TSPAN1: variants seen among roughly 807,000 people sequenced by gnomAD.
The protein encoded by TSPAN1 is tetraspanin-1.
TSPAN1 carries 23 observed loss-of-function variants against 26.9 expected under a neutral mutation model. The observed-to-expected ratio is 0.85, with a 90% CI of 0.62 to 1.21. TSPAN1 has a LOEUF of 1.21. Among genes scored for constraint, TSPAN1 ranks in the 50% most tolerant of loss-of-function variants. The pLI is 0.00. For synonymous variants in TSPAN1, 115 were observed against 114.8 expected (o/e 1.00, Z -0.01); for missense variants, 283 against 298.4 (o/e 0.95, Z 0.38).
downstream of TSPAN1, chr1:46,189,709 G>A: frequency 6.5e-7 from 1 of 1,546,854 alleles, no homozygotes; most frequent in East Asian, 2.3e-5. Flanking sequence ...ATATGAATTT[G>A]GACAAGGAGG....
chr1:46,193,193 G>A, the TSPAN1 span: 1 of 1,614,224 alleles, frequency 6.2e-7, no homozygotes, highest in Non-Finnish European at 8.5e-7. Context: ...GTTGAAAGTG[G>A]CAGTGAGGCT....
At chr1:46,190,044 T>C (rs1368606477), downstream of TSPAN1, 1 of 1,601,614 alleles carries the variant, frequency 6.2e-7, no homozygotes, top group Admixed American at 1.7e-5. Context: ...CATGGGTGTG[T>C]CCCACAGGAC....
At chr1:46,190,860 C>A (rs2148175603), downstream of TSPAN1, 1 of 1,341,384 alleles carries the variant, frequency 7.5e-7, no homozygotes, top group East Asian at 2.3e-5. Context: ...AGCCAGACAT[C>A]TATAAGACAC....
the TSPAN1 span, chr1:46,190,989 G>A: frequency 1.7e-6 from 1 of 576,506 alleles, no homozygotes. Flanking sequence ...CATTGCTGGA[G>A]AGCTCATGCT....
chr1:46,177,382 A>AT (rs1657204955), intron 1 of TSPAN1, among the ~76,000 whole-genome samples: 4 of 124,448 alleles, frequency 3.2e-5, no homozygotes, highest in East Asian at 5.6e-4. Context: ...TATCTATCTA[A>AT]CTATCTATCT....
At chr1:46,188,787 CTGAG>C (rs1412688845), downstream of TSPAN1, 2 of 1,612,894 alleles carry the variant, frequency 1.2e-6, no homozygotes, top group East Asian at 2.2e-5. Flanking sequence ...CTAAGGGTCT[CTGAG>C]TGAGTCTGTG....
At chr1:46,186,788 G>A (rs1025645099), downstream of TSPAN1, among the ~76,000 whole-genome samples, 6 of 147,572 alleles carry the variant, frequency 4.1e-5, no homozygotes, top group East Asian at 4.1e-4. Flanking sequence ...TCAGCCTCCC[G>A]AGTAGCTGGC....
the TSPAN1 span, chr1:46,192,060 C>G: frequency 1.8e-5 from 28 of 1,596,250 alleles, no homozygotes; most frequent in African/African-American, 3.6e-4. Flanking sequence ...TCTTGACTGT[C>G]ATGCCACACT....
chr1:46,189,208 G>A (rs142268597), downstream of TSPAN1: 80 of 1,566,474 alleles, frequency 5.1e-5, no homozygotes, highest in African/African-American at 8.2e-4. Context: ...ACAGGATGGA[G>A]GGAAGGGCTA....
At chr1:46,175,865 G>C (rs1657126989) in intron 1 of TSPAN1, 2 of 432,128 alleles carry the variant, frequency 4.6e-6, no homozygotes, top group African/African-American at 4.1e-5. Flanking sequence ...AATCTTCACT[G>C]GCTCTGGTTT....
chr1:46,177,889 A>T (rs1161416668), intron 1 of TSPAN1, among the ~76,000 whole-genome samples: 1 of 152,210 alleles, frequency 6.6e-6, no homozygotes, highest in Non-Finnish European at 1.5e-5. Context: ...GTGAAGTCAC[A>T]CAATTAGAGG....
At chr1:46,188,502 T>C (rs1013815762), downstream of TSPAN1, among the ~76,000 whole-genome samples, 10 of 151,956 alleles carry the variant, frequency 6.6e-5, no homozygotes, top group African/African-American at 9.7e-5. Flanking sequence ...TGTCCTAGGG[T>C]AGAGTTGGGG....
At chr1:46,178,084 C>T (rs1487972684) in intron 1 of TSPAN1, among the ~76,000 whole-genome samples, 1 of 152,114 alleles carries the variant, frequency 6.6e-6, no homozygotes, top group Non-Finnish European at 1.5e-5. Context: ...GTTCCAGGTG[C>T]GGTGGCTCAC....
downstream of TSPAN1, chr1:46,188,607 C>T: frequency 3.4e-6 from 5 of 1,481,748 alleles, no homozygotes; most frequent in South Asian, 6.9e-5. Context: ...GAAAACTCAC[C>T]ATCCAACACA....
intron 4 of TSPAN1, 94 bp downstream of exon 4, chr1:46,184,491 C>G: frequency 6.2e-7 from 1 of 1,605,962 alleles, no homozygotes; most frequent in East Asian, 2.2e-5. Context: ...TTGGACCCCC[C>G]TAGGCTCAGG....
downstream of TSPAN1, chr1:46,188,868 G>A: frequency 6.2e-7 from 1 of 1,612,898 alleles, no homozygotes; most frequent in South Asian, 1.1e-5. Context: ...GTAAGAGCCA[G>A]CCCCACCCTC....
At chr1:46,186,880 T>C (rs1657444490), downstream of TSPAN1, among the ~76,000 whole-genome samples, 2 of 151,982 alleles carry the variant, frequency 1.3e-5, no homozygotes, top group Admixed American at 1.3e-4. Flanking sequence ...GCCAGGATGG[T>C]CTTGATCTCC....
chr1:46,193,209 T>G, the TSPAN1 span: 1 of 1,614,168 alleles, frequency 6.2e-7, no homozygotes, highest in Non-Finnish European at 8.5e-7. Context: ...AGGCTGGCCT[T>G]GTAGTGCTGG....
chr1:46,188,825 C>T, downstream of TSPAN1: 1 of 1,612,894 alleles, frequency 6.2e-7, no homozygotes, highest in Non-Finnish European at 8.5e-7. Flanking sequence ...CCCAGCTGGG[C>T]CTGTCCATGG....
Sources: allele counts gnomAD v4.1 joint callset (sites outside exome capture counted in the v4.1 genomes callset), GRCh38; gene constraint gnomAD v4.1.1; transcripts MANE v1.5; gene names NCBI Gene and HGNC (gene_info 2026-07-23, HGNC 2026-07-21).